The following MYO1B variants were observed in gnomAD, a reference collection of about 807,000 sequenced individuals.
The protein encoded by MYO1B is unconventional myosin-Ib.
A neutral mutation model predicts 159.7 loss-of-function variants in MYO1B; 72 were observed. That is an observed-to-expected ratio of 0.45 (90% CI 0.37 to 0.55). The LOEUF (loss-of-function observed/expected upper bound fraction) is 0.55. Ranked by LOEUF, MYO1B falls within the 20% of genes least tolerant of loss-of-function variation. The probability of loss-of-function intolerance (pLI) is 0.00; values close to 1 mark genes in which losing one functional copy is unlikely to be tolerated. For missense variants in MYO1B, 1,062 were observed against 1,364.8 expected (o/e 0.78, Z 3.50); for synonymous variants, 468 against 473.8 (o/e 0.99, Z 0.16).
At chr2:191,388,519 A>G (rs1436905057) in intron 17 of MYO1B, among the ~76,000 whole-genome samples, 1 of 152,182 alleles carries the variant, frequency 6.6e-6, no homozygotes, top group African/African-American at 2.4e-5. Flanking sequence ...AGGAAACTAG[A>G]GTGAAGAATA....
At chr2:191,367,160 G>A (rs191137107) in intron 11 of MYO1B, among the ~76,000 whole-genome samples, 8 of 151,090 alleles carry the variant, frequency 5.3e-5, no homozygotes, top group East Asian at 2.0e-4. Flanking sequence ...GTCTTCCCTC[G>A]TTTCTACACC....
intron 18 of MYO1B, among the ~76,000 whole-genome samples, chr2:191,391,640 T>G (rs1695757318): frequency 1.3e-5 from 2 of 152,180 alleles, no homozygotes; most frequent in African/African-American, 4.8e-5. Flanking sequence ...CAGTTCTTGC[T>G]CCCGCTGGGT....
Position 191,421,070 on chromosome 2 carries a change from C to CT in MYO1B, c.3288-2750dup, listed in dbSNP as rs11306202. 5.4e-3 allele frequency among the ~76,000 whole-genome samples: 625 copies of CT among 115,294 alleles called. 9 individuals are homozygous for CT. The highest frequency in any genetic ancestry group is 0.015 in the African/African-American group (536 of 35,308). 75.6% of individuals were successfully genotyped at this position (115,294 alleles called of 152,430 possible). A position where few individuals can be genotyped will look rare whatever the true frequency, so the allele number is the denominator to read the frequency against. On this transcript the variant is annotated intron_variant, in intron 30 of 30. Coordinates refer to ENST00000392318, the MANE Select transcript of MYO1B (RefSeq NM_001130158.3). ...GCCTATTGTTATTTCTAGTGTGAAT[C>CT]TTTTTTTTTTTTTTTTTGAGACAGA...
chr2:191,370,322 T>G, intron 13 of MYO1B, 30 bp downstream of exon 13: 1 of 1,464,590 alleles, frequency 6.8e-7, no homozygotes, highest in Non-Finnish European at 9.6e-7. Flanking sequence ...TTGTATTGTC[T>G]TTAGTAGAGT....
intron 30 of MYO1B, 50 bp downstream of exon 30, chr2:191,416,292 T>C (rs1486329617): frequency 6.2e-7 from 1 of 1,608,522 alleles, no homozygotes; most frequent in Admixed American, 1.7e-5. Context: ...AGCTTTTTTG[T>C]TTTAGTTCAG....
chr2:191,365,376 C>T (rs1693942234), intron 11 of MYO1B, among the ~76,000 whole-genome samples: 1 of 152,156 alleles, frequency 6.6e-6, no homozygotes, highest in South Asian at 2.1e-4. Context: ...TACTATAATC[C>T]AAGAATGCCT....
intron 3 of MYO1B, among the ~76,000 whole-genome samples, chr2:191,298,746 C>A (rs559476773): frequency 7.2e-5 from 11 of 152,230 alleles, no homozygotes; most frequent in Admixed American, 2.0e-4. Flanking sequence ...CGTTTTATAA[C>A]TCATTTCATT....
At chr2:191,324,405 A>G (rs79728617) in intron 3 of MYO1B, among the ~76,000 whole-genome samples, 1 of 151,206 alleles carries the variant, frequency 6.6e-6, no homozygotes, top group Non-Finnish European at 1.5e-5. Flanking sequence ...TATTTTGGCT[A>G]TAGTTCTTCA....
intron 13 of MYO1B, among the ~76,000 whole-genome samples, chr2:191,375,334 C>T (rs1353478684): frequency 6.6e-6 from 1 of 152,212 alleles, no homozygotes; most frequent in East Asian, 1.9e-4. Flanking sequence ...GAAATTCTGG[C>T]TATAGTCAGC....
At chr2:191,322,801 CAA>C (rs1166385821) in intron 3 of MYO1B, among the ~76,000 whole-genome samples, 1 of 152,008 alleles carries the variant, frequency 6.6e-6, no homozygotes, top group Non-Finnish European at 1.5e-5. Context: ...ATCCAGACCC[CAA>C]GAGAGAGGGT....
At chr2:191,358,528 T>C (rs1304306839) in intron 7 of MYO1B, among the ~76,000 whole-genome samples, 1 of 152,226 alleles carries the variant, frequency 6.6e-6, no homozygotes, top group Non-Finnish European at 1.5e-5. Flanking sequence ...GTCATTGCCA[T>C]TTCTACACTC....
At chr2:191,360,820 C>T (rs186602789) in intron 8 of MYO1B, 91 bp downstream of exon 8, 15 of 881,520 alleles carry the variant, frequency 1.7e-5, no homozygotes, top group South Asian at 1.0e-4. Flanking sequence ...TTGCCCAGGC[C>T]GGTCTCTAAT....
At chr2:191,344,916 A>G (rs1692471659) in intron 5 of MYO1B, among the ~76,000 whole-genome samples, 1 of 152,044 alleles carries the variant, frequency 6.6e-6, no homozygotes, top group Non-Finnish European at 1.5e-5. Context: ...CTGCTGAATT[A>G]CCGGAGTTAA....
chr2:191,295,847 G>A (rs777943182), intron 2 of MYO1B, among the ~76,000 whole-genome samples: 2 of 152,046 alleles, frequency 1.3e-5, no homozygotes, highest in African/African-American at 4.8e-5. Context: ...AACTCTTACC[G>A]AGAACCGTAA....
At chr2:191,321,818 A>G (rs1690736811) in intron 3 of MYO1B, among the ~76,000 whole-genome samples, 1 of 152,136 alleles carries the variant, frequency 6.6e-6, no homozygotes, top group Non-Finnish European at 1.5e-5. Flanking sequence ...TTATGGGGGA[A>G]CTTAGATGTC....
intron 18 of MYO1B, among the ~76,000 whole-genome samples, chr2:191,391,643 C>T (rs1009889746): frequency 2.0e-5 from 3 of 152,126 alleles, no homozygotes; most frequent in South Asian, 4.2e-4. Flanking sequence ...TTCTTGCTCC[C>T]GCTGGGTAAG....
chr2:191,283,882 T>C (rs547183717), intron 2 of MYO1B, among the ~76,000 whole-genome samples: 24 of 152,340 alleles, frequency 1.6e-4, no homozygotes, highest in African/African-American at 5.3e-4. Context: ...CCTGGACAAA[T>C]AATCAAAATG....
Position 191,408,189 on chromosome 2 carries a change from T to G in MYO1B, c.2631T>G (p.Ile877Met). The G allele has an allele frequency of 1.9e-6, 3 of 1,608,518 alleles. No individual in the cohort carries two copies. The highest frequency in any genetic ancestry group is 2.6e-6 in the Non-Finnish European group (3 of 1,175,108). The change falls in exon 25 of 31, where the codon ATT becomes ATG. Residue 877 changes from isoleucine (I) to methionine (M), a missense_variant and splice_region_variant. Ile to Met is a conservative substitution (Grantham distance 10). This residue lies in a region of MYO1B where 609 missense variants were observed against 744.4 expected (regional missense o/e 0.82). Coordinates refer to ENST00000392318, the MANE Select transcript of MYO1B (RefSeq NM_001130158.3). ...TCTATGAGTTTACGCTTCAGAGAAT[T>G]GTAAGTTGACACTTTATATCTGTGG... ...KKIYEFTLQR[I>M]VQKYFLEMKN...
chr2:191,297,267 G>A (rs1016941456), intron 3 of MYO1B, among the ~76,000 whole-genome samples: 2 of 152,192 alleles, frequency 1.3e-5, no homozygotes, highest in African/African-American at 4.8e-5. Flanking sequence ...GGGCATGCAA[G>A]CATTTTTACC....
Sources: gnomAD v4.1 joint callset for allele counts (sites outside exome capture counted in the v4.1 genomes callset) on GRCh38, gnomAD v4.1.1 for gene constraint, gnomAD v4.1.1 regional missense constraint, MANE v1.5 for transcripts, NCBI Gene and HGNC (gene_info 2026-07-23, HGNC 2026-07-21) for gene names.